CAMK2N1: variants seen among roughly 807,000 people sequenced by gnomAD.
CAMK2N1 encodes calcium/calmodulin-dependent protein kinase II inhibitor 1.
CAMK2N1 carries 2 observed loss-of-function variants against 6.4 expected under a neutral mutation model. That is an observed-to-expected ratio of 0.31 (90% CI 0.13 to 0.98). The LOEUF (loss-of-function observed/expected upper bound fraction) is 0.98, where lower values mean the gene tolerates loss of function less well. Ranked by LOEUF, CAMK2N1 falls within the 50% of genes least tolerant of loss-of-function variation. The pLI, the probability that CAMK2N1 is intolerant of heterozygous loss-of-function variation, is 0.51. For synonymous variants in CAMK2N1, 42 were observed against 47.5 expected, an observed-to-expected ratio of 0.88 and a Z score of 0.47; for missense variants, 77 against 107.3, an observed-to-expected ratio of 0.72 and a Z score of 1.25.
In CAMK2N1 at chr1:20,484,090, T is replaced by C. The variant is rs1459869500; in HGVS notation, c.167-371A>G. 2.0e-5 allele frequency among the ~76,000 whole-genome samples: 3 copies of C among 152,152 alleles called. No homozygotes were observed. Among genetic ancestry groups the C allele is most frequent in the African/African-American group, 4.8e-5 (2 of 41,424 alleles). ...GGGATAGGAGAGGGAGCCAAAGTCT[T>C]TGGGTCTCGGGACCCCAGGTAAGTC... is the stretch of plus-strand genomic sequence containing the variant. On this transcript the variant is annotated intron_variant, in intron 1 of 1. Transcript: ENST00000375078. The surrounding 1 kb of genome is among the most constrained non-coding windows in gnomAD (Gnocchi z 6.8).
At chr1:20,483,776 C>CT in intron 1 of CAMK2N1, 57 bp from the exon 2 acceptor site, 1 of 1,489,102 alleles carries the variant, frequency 6.7e-7, no homozygotes, top group East Asian at 2.3e-5. Flanking sequence ...CCAGAGGTCT[C>CT]TGACATTTCC....
In CAMK2N1 at chr1:20,485,879, G is replaced by T; in HGVS notation, c.-500C>A. ...GAGGGGCGGAGGGGGAGGGGAGGGA[G>T]AGAGGAGGGAGGGCACCGGGGAGGA... On this transcript the variant is annotated 5_prime_UTR_variant, in exon 1 of 2. Transcript: ENST00000375078. The surrounding 1 kb of genome is among the most constrained non-coding windows in gnomAD (Gnocchi z 8.4). 1 of 146,118 alleles carries T rather than the reference G, an allele frequency of 6.8e-6. No homozygotes were observed. The highest frequency in any genetic ancestry group is 2.5e-5 in the African/African-American group (1 of 39,714). 9.1% of individuals were successfully genotyped at this position (146,118 alleles called of 1,614,324 possible).
In CAMK2N1 at chr1:20,483,551, A is replaced by T; in HGVS notation, c.*98T>A. On this transcript the variant is annotated 3_prime_UTR_variant, in exon 2 of 2. Coordinates refer to ENST00000375078, the MANE Select transcript of CAMK2N1 (RefSeq NM_018584.6). ...TTGATTTCATCGTGGGTAGCAAGCTAGTAATAAATTTCAAAGTGCTTTCTC... is the reference window on the plus strand; with the variant it reads ...TTGATTTCATCGTGGGTAGCAAGCTTGTAATAAATTTCAAAGTGCTTTCTC... The T allele has an allele frequency of 9.7e-7, 1 of 1,031,654 alleles. No individual in the cohort carries two copies. Among genetic ancestry groups the T allele is most frequent in the Non-Finnish European group, 1.5e-6 (1 of 654,418 alleles). 63.9% of individuals were successfully genotyped at this position (1,031,654 alleles called of 1,614,324 possible). A position where few individuals can be genotyped will look rare whatever the true frequency, so the allele number is the denominator to read the frequency against.
chr1:20,485,925 G>A lies in CAMK2N1; in HGVS notation c.-546C>T, dbSNP rs2051509894. 6.7e-6 allele frequency: 1 copy of A among 150,216 alleles called. No homozygotes were observed. The highest frequency in any genetic ancestry group is 1.5e-5 in the Non-Finnish European group (1 of 67,544). 9.3% of individuals were successfully genotyped at this position (150,216 alleles called of 1,614,324 possible). On this transcript the variant is annotated 5_prime_UTR_variant, in exon 1 of 2. Transcript: ENST00000375078. This position sits in a 1 kb window ranked among gnomAD's most constrained non-coding sequence, Gnocchi z 8.4. ...GAGGAAACCCGGAGGGAGGGTGGGG[G>A]AGAGAAACCGAGAGGGAGACGGGGC...
chr1:20,483,730 A>C lies in CAMK2N1; in HGVS notation c.167-11T>G. 6.2e-7 allele frequency: 1 copy of C among 1,613,538 alleles called. No homozygotes were observed. The highest frequency in any genetic ancestry group is 1.1e-5 in the South Asian group (1 of 91,062). On this transcript the variant is annotated splice_polypyrimidine_tract_variant and intron_variant, in intron 1 of 1. Transcript: ENST00000375078. ...CATCTTCAATAACAACTGCAAAAAA[A>C]GGGGGGAAAAGAGAGGTGAGCGCGC...
Position 20,483,490 on chromosome 1 carries a change from T to C in CAMK2N1, c.*159A>G. 2 of 615,048 alleles carry C rather than the reference T, an allele frequency of 3.3e-6. No homozygotes were observed. The highest frequency in any genetic ancestry group is 5.9e-6 in the Non-Finnish European group (2 of 340,334). 38.1% of individuals were successfully genotyped at this position (615,048 alleles called of 1,614,324 possible). ...TCCTCCTCCTCCTCCTCCTCTCGCC[T>C]CATCTGTCTCCCGGCCTGATACCAG... On this transcript the variant is annotated 3_prime_UTR_variant, in exon 2 of 2. Transcript: ENST00000375078.
rs1331178347 is a variant in CAMK2N1, at chr1:20,482,879, G to GTGTA, written c.*769_*770insTACA. 2 of 151,968 alleles carry GTGTA rather than the reference G, an allele frequency of 1.3e-5. No individual in the cohort carries two copies. Among genetic ancestry groups the GTGTA allele is most frequent in the Non-Finnish European group, 2.9e-5 (2 of 68,024 alleles). 9.4% of individuals were successfully genotyped at this position (151,968 alleles called of 1,614,324 possible). On this transcript the variant is annotated 3_prime_UTR_variant, in exon 2 of 2. Coordinates refer to ENST00000375078, the MANE Select transcript of CAMK2N1 (RefSeq NM_018584.6). ...TTCGTGTGTGTGTGTGTGTGTGTGT[G>GTGTA]TGTGTGTGTGTGTTTTTCTGACATA...
Position 20,485,524 on chromosome 1 carries a change from G to A in CAMK2N1, c.-145C>T. ...GGCGGTGGCGCCGGCGAGAGGCCGG[G>A]GGACGCCGCTAGGGCAAGAGCGCGG... is the stretch of plus-strand genomic sequence containing the variant. On this transcript the variant is annotated 5_prime_UTR_variant, in exon 1 of 2. Coordinates refer to ENST00000375078, the MANE Select transcript of CAMK2N1 (RefSeq NM_018584.6). The surrounding 1 kb of genome is among the most constrained non-coding windows in gnomAD (Gnocchi z 8.4). 1 of 436,222 alleles carries A rather than the reference G, an allele frequency of 2.3e-6. No homozygotes were observed. Among genetic ancestry groups the A allele is most frequent in the African/African-American group, 2.2e-5 (1 of 46,454 alleles). 27.0% of individuals were successfully genotyped at this position (436,222 alleles called of 1,614,324 possible).
In CAMK2N1 at chr1:20,482,482, AAG is replaced by A. The variant is rs2051475897; in HGVS notation, c.*1165_*1166del. ...AACATACAGAATATTGAATTAAGAAAAGAGGGAACGGGGAAGGGAAGGGAAAC... is the reference window on the plus strand; with the variant it reads ...AACATACAGAATATTGAATTAAGAAAAGGGAACGGGGAAGGGAAGGGAAAC... On this transcript the variant is annotated 3_prime_UTR_variant, in exon 2 of 2. Transcript: ENST00000375078. The A allele has an allele frequency of 6.6e-6, 1 of 152,568 alleles. No homozygotes were observed. Among genetic ancestry groups the A allele is most frequent in the South Asian group, 2.1e-4 (1 of 4,830 alleles). 9.5% of individuals were successfully genotyped at this position (152,568 alleles called of 1,614,324 possible). A position where few individuals can be genotyped will look rare whatever the true frequency, so the allele number is the denominator to read the frequency against.
chr1:20,483,717 C>T lies in CAMK2N1; in HGVS notation c.169G>A (p.Val57Ile). The T allele has an allele frequency of 6.2e-7, 1 of 1,613,738 alleles. No individual in the cohort carries two copies. ...LGQIGRSKRV[V>I]IEDDRIDDVL... is the part of the protein sequence containing the mutation. ...TCATCAATCCTATCATCTTCAATAA[C>T]AACTGCAAAAAAAGGGGGGAAAAGA... Residue 57 changes from valine (V) to isoleucine (I), a missense_variant and splice_region_variant, in exon 2 of 2, where the codon GTT (valine) becomes ATT (isoleucine). Val to Ile is a conservative substitution (Grantham distance 29, BLOSUM62 3). Coordinates refer to ENST00000375078, the MANE Select transcript of CAMK2N1 (RefSeq NM_018584.6).
chr1:20,485,328 C>T lies in CAMK2N1; in HGVS notation c.52G>A (p.Gly18Ser). Reference protein sequence around the residue: ...GDEKLSPYGDGGDVGQIFSCR... With the variant: ...GDEKLSPYGDSGDVGQIFSCR... ...GAGAAGATCTGGCCCACGTCGCCGC[C>T]GTCGCCGTAGGGGCTCAGCTTCTCG... Residue 18 changes from glycine (G) to serine (S), a missense_variant, in exon 1 of 2, where the codon GGC (glycine) becomes AGC (serine). Coordinates refer to ENST00000375078, the MANE Select transcript of CAMK2N1 (RefSeq NM_018584.6). This position sits in a 1 kb window ranked among gnomAD's most constrained non-coding sequence, Gnocchi z 8.4. The T allele has an allele frequency of 6.3e-7, 1 of 1,579,072 alleles. No individual in the cohort carries two copies.
rs1393597910 is a variant in CAMK2N1 at position 20,484,051 on chromosome 1, A to C, written c.167-332T>G. 2.0e-5 allele frequency among the ~76,000 whole-genome samples: 3 copies of C among 152,134 alleles called. No homozygotes were observed. The highest frequency in any genetic ancestry group is 4.4e-5 in the Non-Finnish European group (3 of 68,004). The stretch of plus-strand genomic sequence containing the variant: ...GCACCAGGCGCACTAATTTAGACAG[A>C]AATGTCTGGAGCTGGGATAGGAGAG... On this transcript the variant is annotated intron_variant, in intron 1 of 1. Transcript: ENST00000375078. The surrounding 1 kb of genome is among the most constrained non-coding windows in gnomAD (Gnocchi z 6.8).
rs568845714 is a variant in CAMK2N1, at chr1:20,485,569, G to A, written c.-190C>T. The A allele has an allele frequency of 1.4e-3, 258 of 187,176 alleles. 1 individual carries two copies. Among genetic ancestry groups the A allele is most frequent in the Middle Eastern group, 2.6e-3 (1 of 380 alleles). 11.6% of individuals were successfully genotyped at this position (187,176 alleles called of 1,614,324 possible). ...GCGCGGCACTCGCGCGAGCGGCCCG[G>A]AGAGCGCCCGCGGCTGCGCTGCGCT... On this transcript the variant is annotated 5_prime_UTR_variant, in exon 1 of 2. Transcript: ENST00000375078. The surrounding 1 kb of genome is among the most constrained non-coding windows in gnomAD (Gnocchi z 8.4).
rs1484025263 is a variant in CAMK2N1 at position 20,485,476 on chromosome 1, G to C, written c.-97C>G. 3.4e-6 allele frequency: 3 copies of C among 870,688 alleles called. No individual in the cohort carries two copies. Among genetic ancestry groups the C allele is most frequent in the South Asian group, 5.1e-5 (1 of 19,666 alleles). The allele number at this position is 870,688 out of a possible 1,614,324, so 53.9% of individuals were successfully genotyped here. On this transcript the variant is annotated 5_prime_UTR_variant, in exon 1 of 2. Transcript: ENST00000375078. The surrounding 1 kb of genome is among the most constrained non-coding windows in gnomAD (Gnocchi z 8.4). ...GCGCTGGGGCCGGGGGCGGCCGGCCGGGGACGGCCCGCGGGCTGCTGCGGC... is the reference window on the plus strand; with the variant it reads ...GCGCTGGGGCCGGGGGCGGCCGGCCCGGGACGGCCCGCGGGCTGCTGCGGC...
rs974772579 is a variant in CAMK2N1, at chr1:20,484,814, G to T, written c.166+400C>A. 1.6e-4 allele frequency among the ~76,000 whole-genome samples: 24 copies of T among 152,142 alleles called. No homozygotes were observed. Among genetic ancestry groups the T allele is most frequent in the African/African-American group, 5.8e-4 (24 of 41,450 alleles). ...CCGAACACCCTAGCCTTCCCCGCAG[G>T]AATGGGATCCTCCCCACGCAGGTCC... On this transcript the variant is annotated intron_variant, in intron 1 of 1. Transcript: ENST00000375078. This position sits in a 1 kb window ranked among gnomAD's most constrained non-coding sequence, Gnocchi z 6.8.
chr1:20,485,320 G>C lies in CAMK2N1; in HGVS notation c.60C>G (p.Asp20Glu). The C allele has an allele frequency of 6.3e-7, 1 of 1,580,156 alleles. No homozygotes were observed. The highest frequency in any genetic ancestry group is 1.4e-5 in the African/African-American group (1 of 73,764). ...GGCGGCAGGAGAAGATCTGGCCCAC[G>C]TCGCCGCCGTCGCCGTAGGGGCTCA... ...EKLSPYGDGG[D>E]VGQIFSCRLQ... Residue 20 changes from aspartate to glutamate, a missense_variant, in exon 1 of 2, where the codon GAC becomes GAG. Coordinates refer to ENST00000375078, the MANE Select transcript of CAMK2N1 (RefSeq NM_018584.6). This position sits in a 1 kb window ranked among gnomAD's most constrained non-coding sequence, Gnocchi z 8.4.
Position 20,485,624 on chromosome 1 carries a change from T to G in CAMK2N1, c.-245A>C. 1 of 149,398 alleles carries G rather than the reference T, an allele frequency of 6.7e-6. No individual in the cohort carries two copies. Among genetic ancestry groups the G allele is most frequent in the Non-Finnish European group, 1.5e-5 (1 of 67,240 alleles). The allele number at this position is 149,398 out of a possible 1,614,324, so 9.3% of individuals were successfully genotyped here. A position where few individuals can be genotyped will look rare whatever the true frequency, so the allele number is the denominator to read the frequency against. ...TCCGGCTCCGCGCGCGAGTGGCTGC[T>G]GCTCCGCCAGAGGCGAGCAGGACTC... is the stretch of plus-strand genomic sequence containing the variant. On this transcript the variant is annotated 5_prime_UTR_variant, in exon 1 of 2. Coordinates refer to ENST00000375078, the MANE Select transcript of CAMK2N1 (RefSeq NM_018584.6). The surrounding 1 kb of genome is among the most constrained non-coding windows in gnomAD (Gnocchi z 8.4).
Position 20,483,466 on chromosome 1 carries a change from C to A in CAMK2N1, c.*183G>T. On this transcript the variant is annotated 3_prime_UTR_variant, in exon 2 of 2. Transcript: ENST00000375078. ...TTTGCAGAGGAGCCCAGAGCCTTCT[C>A]CTCCTCCTCCTCCTCCTCTCGCCTC... 1 of 316,414 alleles carries A rather than the reference C, an allele frequency of 3.2e-6. No individual in the cohort carries two copies. 19.6% of individuals were successfully genotyped at this position (316,414 alleles called of 1,614,324 possible). A position where few individuals can be genotyped will look rare whatever the true frequency, so the allele number is the denominator to read the frequency against.
intron 1 of CAMK2N1, 145 bp from the exon 2 acceptor site, chr1:20,483,864 C>T (rs2051488553): frequency 2.9e-6 from 2 of 701,110 alleles, no homozygotes; most frequent in African/African-American, 1.8e-5. Context: ...CAGCTCCATC[C>T]TCCGTCCCTG....
Sources: allele counts gnomAD v4.1 joint callset (sites outside exome capture counted in the v4.1 genomes callset), GRCh38; gene constraint gnomAD v4.1.1; non-coding constraint Gnocchi (gnomAD v3.1); transcripts MANE v1.5; gene names NCBI Gene and HGNC (gene_info 2026-07-23, HGNC 2026-07-21).